GRM5: variants seen among roughly 807,000 people sequenced by gnomAD.
The protein encoded by GRM5 is metabotropic glutamate receptor 5.
GRM5 carries 19 observed loss-of-function variants against 83.1 expected under a neutral mutation model. The ratio of observed to expected loss-of-function variants is 0.23; its 90% CI spans 0.16 to 0.34. The LOEUF (loss-of-function observed/expected upper bound fraction) is 0.34, where lower values mean the gene tolerates loss of function less well. Ranked by LOEUF, GRM5 falls within the 10% of genes least tolerant of loss-of-function variation. The pLI is 1.00. For synonymous variants in GRM5, 675 were observed against 633.6 expected (o/e 1.07, Z -0.98); for missense variants, 1,160 against 1,588.3 (o/e 0.73, Z 4.58).
intron 3 of GRM5, among the ~76,000 whole-genome samples, chr11:88,766,754 G>T (rs150347413): frequency 6.6e-6 from 1 of 152,076 alleles, no homozygotes; most frequent in East Asian, 1.9e-4. Flanking sequence ...TATCAACAGA[G>T]TAAACAGACA....
At position 88,886,513 on chromosome 11, in the gene GRM5, C is replaced by T. The variant is rs374683956; in HGVS notation, c.662-36358G>A. Among the ~76,000 whole-genome samples, 72 of 152,232 alleles carry T rather than the reference C, an allele frequency of 4.7e-4. 1 individual carries two copies. The highest frequency in any genetic ancestry group is 1.7e-3 in the African/African-American group (71 of 41,558). On this transcript the variant is annotated intron_variant, in intron 2 of 9. Transcript: ENST00000305447. ...TGGGGGACAGGATTGCTAGGGAGAACATGGAGCATCCCCCAGTACCCATGG... is the reference window on the plus strand; with the variant it reads ...TGGGGGACAGGATTGCTAGGGAGAATATGGAGCATCCCCCAGTACCCATGG...
chr11:88,774,295 A>AT (rs1326235111), intron 3 of GRM5, among the ~76,000 whole-genome samples: 2 of 152,106 alleles, frequency 1.3e-5, no homozygotes, highest in African/African-American at 4.8e-5. Flanking sequence ...TTGCACATTG[A>AT]TTTTGTATCC....
intron 3 of GRM5, among the ~76,000 whole-genome samples, chr11:88,669,447 A>G (rs192869567): frequency 1.1e-4 from 16 of 152,230 alleles, no homozygotes; most frequent in African/African-American, 3.8e-4. Context: ...CTTTTTCCCA[A>G]TATTTTATTG....
At chr11:88,628,855 C>T (rs1281417469) in intron 4 of GRM5, among the ~76,000 whole-genome samples, 1 of 152,162 alleles carries the variant, frequency 6.6e-6, no homozygotes, top group Non-Finnish European at 1.5e-5. Flanking sequence ...GAGCCAAGCT[C>T]TTTCTAACAC....
rs190839649 is a variant in GRM5, at chr11:88,897,543, C to T, written c.662-47388G>A. 4.4e-3 allele frequency among the ~76,000 whole-genome samples: 667 copies of T among 151,804 alleles called. 7 individuals are homozygous for T. The highest frequency in any genetic ancestry group is 0.015 in the African/African-American group (613 of 41,416). ...ACATCAGCAAGTTACTGATGGTAGT[C>T]GTTCTCTGCAGGATCATTTTTGCCT... On this transcript the variant is annotated intron_variant, in intron 2 of 9. Transcript: ENST00000305447.
chr11:89,009,321 C>G (rs1940618381), intron 2 of GRM5, among the ~76,000 whole-genome samples: 1 of 152,080 alleles, frequency 6.6e-6, no homozygotes, highest in Non-Finnish European at 1.5e-5. Context: ...GTTTAATGAG[C>G]TAATTTCAAT....
At chr11:88,790,043 T>C (rs142629236) in intron 3 of GRM5, among the ~76,000 whole-genome samples, 85 of 152,252 alleles carry the variant, frequency 5.6e-4, no homozygotes, top group African/African-American at 1.9e-3. Flanking sequence ...TTTGTATTTT[T>C]AATAGAGATG....
intron 3 of GRM5, among the ~76,000 whole-genome samples, chr11:88,776,598 A>T (rs1049284041): frequency 4.6e-5 from 7 of 152,126 alleles, no homozygotes; most frequent in Non-Finnish European, 5.9e-5. Context: ...TTCCATGTTT[A>T]GTGCTTCCTG....
chr11:88,774,380 T>C (rs1942804300), intron 3 of GRM5, among the ~76,000 whole-genome samples: 1 of 152,202 alleles, frequency 6.6e-6, no homozygotes, highest in Non-Finnish European at 1.5e-5. Context: ...AAACATACAA[T>C]CATGTCATCT....
At chr11:88,735,507 C>T (rs1327619210) in intron 3 of GRM5, among the ~76,000 whole-genome samples, 1 of 152,022 alleles carries the variant, frequency 6.6e-6, no homozygotes, top group Non-Finnish European at 1.5e-5. Context: ...GCTTAGTCCT[C>T]AGTCTCTGAG....
intron 2 of GRM5, among the ~76,000 whole-genome samples, chr11:88,941,822 A>G (rs769125273): frequency 6.6e-6 from 1 of 152,052 alleles, no homozygotes; most frequent in Non-Finnish European, 1.5e-5. Flanking sequence ...GACATACAAC[A>G]TCACCAATAG....
Position 88,567,729 on chromosome 11 carries a change from C to A in GRM5, c.1954G>T (p.Gly652Cys), listed in dbSNP as rs758198713. The change falls in exon 8 of 10, where the codon GGT becomes TGT. Residue 652 changes from glycine to cysteine, a missense_variant. Around this residue, in one of 9 missense-constraint regions of GRM5, gnomAD observed 132 missense variants for 245.5 expected, o/e 0.54. Transcript: ENST00000305447. This position sits in a 1 kb window ranked among gnomAD's most constrained non-coding sequence, Gnocchi z 7.3. ...IYCYLQRIGI[G>C]LSPAMSYSAL... ...GAGTAGCTCATGGCTGGGGAGAGAC[C>A]AATGCCAATTCTCTGAAGGTAGCAG... 2 of 1,614,016 alleles carry A rather than the reference C, an allele frequency of 1.2e-6. No homozygotes were observed. The highest frequency in any genetic ancestry group is 1.3e-5 in the African/African-American group (1 of 75,020).
Position 88,850,267 on chromosome 11 carries a change from C to T in GRM5, c.662-112G>A, listed in dbSNP as rs1590911165. The stretch of plus-strand genomic sequence containing the variant: ...ATGAAAGTCATTGGTATGGGACTTG[C>T]AACCTGAAGACCTGAATTTTGGTTT... On this transcript the variant is annotated intron_variant, in intron 2 of 9. Coordinates refer to ENST00000305447, the MANE Select transcript of GRM5 (RefSeq NM_001143831.3). The T allele has an allele frequency of 1.8e-5, 14 of 785,268 alleles. 1 individual carries two copies. In the East Asian group the frequency reaches 3.6e-4, roughly 20 times the overall value. The allele number at this position is 785,268 out of a possible 1,614,324, so 48.6% of individuals were successfully genotyped here. A position where few individuals can be genotyped will look rare whatever the true frequency, so the allele number is the denominator to read the frequency against.
chr11:88,712,682 G>A (rs908050790), intron 3 of GRM5, among the ~76,000 whole-genome samples: 2 of 151,980 alleles, frequency 1.3e-5, no homozygotes, highest in Non-Finnish European at 2.9e-5. Flanking sequence ...AAATAGACTA[G>A]GAGTCAGGAG....
chr11:88,625,680 C>T (rs1938774494), intron 4 of GRM5, among the ~76,000 whole-genome samples: 3 of 152,116 alleles, frequency 2.0e-5, no homozygotes, highest in African/African-American at 4.8e-5. Flanking sequence ...CTACTGTGCT[C>T]ACTACCTGGG....
chr11:88,667,303 G>A (rs1050313612), intron 3 of GRM5, among the ~76,000 whole-genome samples: 2 of 152,086 alleles, frequency 1.3e-5, no homozygotes, highest in African/African-American at 2.4e-5. Context: ...GAAGAAAAAA[G>A]AGAATAGAGT....
At chr11:88,718,685 T>TATC (rs1941456587) in intron 3 of GRM5, among the ~76,000 whole-genome samples, 1 of 152,008 alleles carries the variant, frequency 6.6e-6, no homozygotes, top group Admixed American at 6.6e-5. Flanking sequence ...TTCACTTCTC[T>TATC]ATCTTCCTAG....
chr11:88,926,749 A>T (rs1590970323), intron 2 of GRM5, among the ~76,000 whole-genome samples: 1 of 152,142 alleles, frequency 6.6e-6, no homozygotes, highest in Non-Finnish European at 1.5e-5. Flanking sequence ...AAATGACATC[A>T]ATCTAAGATC....
intron 4 of GRM5, among the ~76,000 whole-genome samples, chr11:88,624,435 C>T (rs1332896438): frequency 1.3e-5 from 2 of 152,136 alleles, no homozygotes; most frequent in African/African-American, 2.4e-5. Context: ...GGGGCCATGC[C>T]TTATGGACGT....
Sources: allele counts gnomAD v4.1 joint callset (sites outside exome capture counted in the v4.1 genomes callset), GRCh38; gene constraint gnomAD v4.1.1; regional missense constraint gnomAD v4.1.1; non-coding constraint Gnocchi (gnomAD v3.1); transcripts MANE v1.5; gene names NCBI Gene and HGNC (gene_info 2026-07-23, HGNC 2026-07-21).